Variants in DAPK2 observed in about 807,000 individuals in gnomAD.
DAPK2 encodes death associated protein kinase 2.
A neutral mutation model predicts 44.1 loss-of-function variants in DAPK2; 35 were observed. The ratio of observed to expected loss-of-function variants is 0.79; its 90% CI spans 0.61 to 1.05. DAPK2 has a LOEUF of 1.05. DAPK2 is among the 50% of genes least tolerant of loss of function. The pLI, the probability that DAPK2 is intolerant of heterozygous loss-of-function variation, is 0.00. For synonymous variants in DAPK2, 174 were observed against 182.6 expected (o/e 0.95, Z 0.38); for missense variants, 453 against 483.2 (o/e 0.94, Z 0.59).
At chr15:64,009,705 T>C (rs1375003389) in intron 1 of DAPK2, among the ~76,000 whole-genome samples, 2 of 152,118 alleles carry the variant, frequency 1.3e-5, no homozygotes, top group Non-Finnish European at 2.9e-5. Flanking sequence ...CTCCTAAAGT[T>C]CAGTACACTT....
At chr15:64,030,451 G>A (rs1383002902) in intron 1 of DAPK2, among the ~76,000 whole-genome samples, 1 of 152,082 alleles carries the variant, frequency 6.6e-6, no homozygotes, top group African/African-American at 2.4e-5. Context: ...CCATAGTCCT[G>A]TGGCTACAAG....
chr15:63,964,644 C>A (rs1262161453), intron 3 of DAPK2, among the ~76,000 whole-genome samples: 2 of 150,138 alleles, frequency 1.3e-5, no homozygotes, highest in Admixed American at 6.6e-5. Context: ...CTTTTTTTTT[C>A]TTTTGTCTCC....
At chr15:63,945,040 A>G (rs1207893030) in intron 3 of DAPK2, among the ~76,000 whole-genome samples, 1 of 152,094 alleles carries the variant, frequency 6.6e-6, no homozygotes, top group Admixed American at 6.5e-5. Flanking sequence ...CTTAGAGAGA[A>G]TCTTTTTCTA....
In DAPK2 at chr15:63,990,472, T is replaced by TA. The variant is rs2078789842; in HGVS notation, c.93-6719_93-6718insT. Among the ~76,000 whole-genome samples, 1 of 150,644 alleles carries TA rather than the reference T, an allele frequency of 6.6e-6. No homozygotes were observed. The highest frequency in any genetic ancestry group is 2.4e-5 in the African/African-American group (1 of 41,084). On this transcript the variant is annotated intron_variant, in intron 1 of 10. Coordinates refer to ENST00000261891, the Ensembl canonical transcript of DAPK2. The surrounding 1 kb of genome is among the most constrained non-coding windows in gnomAD (Gnocchi z 4.3). Reference sequence around the variant, plus strand: ...CCATGGATTGAGTGGGTCTACCTCATTCCCTCTCTTAGTCGACTCTAAAGT... The same window carrying TA: ...CCATGGATTGAGTGGGTCTACCTCATATCCCTCTCTTAGTCGACTCTAAAGT...
At chr15:64,006,560 C>T (rs1307403558) in intron 1 of DAPK2, among the ~76,000 whole-genome samples, 5 of 152,118 alleles carry the variant, frequency 3.3e-5, no homozygotes, top group African/African-American at 7.2e-5. Flanking sequence ...CCAAGAAAGA[C>T]GTCAGAGATC....
At chr15:64,043,395 T>A (rs182321234), upstream of DAPK2, among the ~76,000 whole-genome samples, 9 of 152,348 alleles carry the variant, frequency 5.9e-5, no homozygotes, top group East Asian at 1.7e-3. Context: ...ATTGAGGTAC[T>A]ATATACCCAT....
chr15:64,046,334 A>AGGCGCGGCGGGAGCGGCG (rs1434144532), upstream of DAPK2: 669 of 196,922 alleles, frequency 3.4e-3, 32 homozygotes, highest in Middle Eastern at 6.2e-3. The surrounding 1 kb of genome is among the most constrained non-coding windows in gnomAD (Gnocchi z 5.3). Flanking sequence ...CGGCCGCGGC[A>AGGCGCGGCGGGAGCGGCG]GGCGCGGCGG....
chr15:63,957,758 G>A (rs964206247), intron 3 of DAPK2, among the ~76,000 whole-genome samples: 14 of 151,920 alleles, frequency 9.2e-5, no homozygotes, highest in African/African-American at 2.2e-4. Flanking sequence ...TTCTATCATC[G>A]ATGGACATTT....
intron 1 of DAPK2, among the ~76,000 whole-genome samples, chr15:63,985,875 T>C (rs2078654937): frequency 6.6e-6 from 1 of 152,132 alleles, no homozygotes. Context: ...AAAAAGCAAA[T>C]GAGTGTTTGC....
chr15:63,928,304 A>C (rs923216932), intron 6 of DAPK2: 1 of 152,268 alleles, frequency 6.6e-6, no homozygotes, highest in African/African-American at 2.4e-5. Context: ...AGGGGGATCC[A>C]CCACGTCACA....
chr15:63,969,357 C>T (rs771929776), intron 3 of DAPK2, among the ~76,000 whole-genome samples: 33 of 152,204 alleles, frequency 2.2e-4, no homozygotes, highest in Middle Eastern at 3.4e-3. Context: ...GAGGTCTAGT[C>T]TGCAGTGAGC....
chr15:64,010,165 G>A (rs968827300), intron 1 of DAPK2, among the ~76,000 whole-genome samples: 3 of 152,150 alleles, frequency 2.0e-5, no homozygotes, highest in Non-Finnish European at 4.4e-5. Flanking sequence ...CAGACCCACA[G>A]AGTCAGGAAC....
intron 1 of DAPK2, among the ~76,000 whole-genome samples, chr15:64,003,398 G>T (rs1044008535): frequency 1.1e-4 from 17 of 152,184 alleles, no homozygotes; most frequent in Admixed American, 1.1e-3. Context: ...CATTGCTCTG[G>T]CAGAGACCTA....
In DAPK2 at chr15:63,947,571, A is replaced by G. The variant is rs77000451; in HGVS notation, c.454-8210T>C. On this transcript the variant is annotated intron_variant, in intron 3 of 10. Transcript: ENST00000261891. ...CTCTGCCATTTATCAGCAGCCTGACACTGGGCAAGTTATTGAACCTCTCTC... is the reference window on the plus strand; with the variant it reads ...CTCTGCCATTTATCAGCAGCCTGACGCTGGGCAAGTTATTGAACCTCTCTC... 9.2e-5 allele frequency among the ~76,000 whole-genome samples: 14 copies of G among 152,290 alleles called. No homozygotes were observed. In the East Asian group the frequency reaches 2.5e-3, roughly 27 times the overall value.
chr15:64,025,688 T>C (rs2079820958), intron 1 of DAPK2, among the ~76,000 whole-genome samples: 1 of 152,264 alleles, frequency 6.6e-6, no homozygotes, highest in African/African-American at 2.4e-5. Flanking sequence ...AAATGTAGGA[T>C]ATTATGTAGG....
At chr15:64,019,513 C>T (rs993271185) in intron 1 of DAPK2, among the ~76,000 whole-genome samples, 1 of 152,192 alleles carries the variant, frequency 6.6e-6, no homozygotes, top group Non-Finnish European at 1.5e-5. Context: ...AAAGAATTAT[C>T]TTATGTCTAA....
rs2078065729 is a variant in DAPK2 at position 63,966,791 on chromosome 15, G to C, written c.453+4632C>G. Among the ~76,000 whole-genome samples, 1 of 152,174 alleles carries C rather than the reference G, an allele frequency of 6.6e-6. No homozygotes were observed. Among genetic ancestry groups the C allele is most frequent in the East Asian group, 1.9e-4 (1 of 5,202 alleles). On this transcript the variant is annotated intron_variant, in intron 3 of 10. Coordinates refer to ENST00000261891, the Ensembl canonical transcript of DAPK2. This position sits in a 1 kb window ranked among gnomAD's most constrained non-coding sequence, Gnocchi z 5.5. ...CACAGGTTCTTTCTCCATGCAACATGGCTGCTGCCAGAAGATGGGGAAGGG... is the reference window on the plus strand; with the variant it reads ...CACAGGTTCTTTCTCCATGCAACATCGCTGCTGCCAGAAGATGGGGAAGGG...
chr15:63,979,234 C>T (rs559312815), intron 2 of DAPK2, among the ~76,000 whole-genome samples: 1 of 152,158 alleles, frequency 6.6e-6, no homozygotes, highest in African/African-American at 2.4e-5. Flanking sequence ...ATATTCTATA[C>T]CCCATACAGA....
chr15:63,913,434 C>T (rs902657171), intron 8 of DAPK2, among the ~76,000 whole-genome samples: 4 of 152,100 alleles, frequency 2.6e-5, no homozygotes, highest in African/African-American at 7.2e-5. Flanking sequence ...TAGCTTTTAT[C>T]GATTCTCAAA....
Sources: allele counts gnomAD v4.1 joint callset (sites outside exome capture counted in the v4.1 genomes callset), GRCh38; gene constraint gnomAD v4.1.1; non-coding constraint Gnocchi (gnomAD v3.1); transcripts MANE v1.5; gene names NCBI Gene and HGNC (gene_info 2026-07-23, HGNC 2026-07-21).